OSBPL1A: variants seen among roughly 807,000 people sequenced by gnomAD.
The protein encoded by OSBPL1A is oxysterol-binding protein-related protein 1.
Under a neutral mutation model 137.1 loss-of-function variants are expected in OSBPL1A, and 80 were observed. The observed-to-expected ratio is 0.58, with a 90% CI of 0.49 to 0.70. The LOEUF (loss-of-function observed/expected upper bound fraction) is 0.70, where lower values mean the gene tolerates loss of function less well. Among genes scored for constraint, OSBPL1A ranks in the 30% least tolerant of loss-of-function variants. The pLI, the probability that OSBPL1A is intolerant of heterozygous loss-of-function variation, is 0.00. For missense variants in OSBPL1A, 970 were observed against 1,129.4 expected (o/e 0.86, Z 2.02); for synonymous variants, 365 against 389.7 (o/e 0.94, Z 0.75).
At chr18:24,326,411 C>T (rs1471546610) in intron 7 of OSBPL1A, among the ~76,000 whole-genome samples, 1 of 152,210 alleles carries the variant, frequency 6.6e-6, no homozygotes, top group Admixed American at 6.5e-5. Flanking sequence ...ATATGTCCTG[C>T]CCCTAAAGTC....
intron 2 of OSBPL1A, among the ~76,000 whole-genome samples, chr18:24,375,493 A>G (rs1484855443): frequency 6.6e-6 from 1 of 152,160 alleles, no homozygotes. Context: ...TTTGCTACAC[A>G]TGGCATATTA....
intron 15 of OSBPL1A, among the ~76,000 whole-genome samples, chr18:24,245,534 C>T (rs765621396): frequency 3.9e-5 from 6 of 152,188 alleles, no homozygotes; most frequent in Non-Finnish European, 7.3e-5. Flanking sequence ...AAGAGCTCTT[C>T]TGCACACAAG....
In OSBPL1A at chr18:24,283,281, A is replaced by AAAAAT. The variant is rs1246058393; in HGVS notation, c.1175-2334_1175-2333insATTTT. Among the ~76,000 whole-genome samples the AAAAAT allele has an allele frequency of 4.0e-3, 316 of 78,320 alleles. 2 individuals carry two copies. The highest frequency in any genetic ancestry group is 0.014 in the East Asian group (36 of 2,498). The allele number at this position is 78,320 out of a possible 152,430, so 51.4% of individuals were successfully genotyped here. On this transcript the variant is annotated intron_variant, in intron 14 of 27. Coordinates refer to ENST00000319481, the MANE Select transcript of OSBPL1A (RefSeq NM_080597.4). ...CTCCATCTCAAAAAAAAAAAAAAAA[A>AAAAAT]ATATATATATATATATATATATGTA...
intron 15 of OSBPL1A, among the ~76,000 whole-genome samples, chr18:24,272,752 C>G (rs944774704): frequency 6.6e-6 from 1 of 152,138 alleles, no homozygotes; most frequent in African/African-American, 2.4e-5. Context: ...ATCCTAGGTA[C>G]TTTAAGTCCC....
rs562525214 is a variant in OSBPL1A, at chr18:24,312,109, GA to G, written c.970-4del. ...TCTTCTATTGCTTCCAGCCAGTCCT[GA>G]AATCATGCAAGAATTTAAATGAGAG... On this transcript the variant is annotated splice_region_variant and splice_polypyrimidine_tract_variant and intron_variant, in intron 12 of 27. Coordinates refer to ENST00000319481, the MANE Select transcript of OSBPL1A (RefSeq NM_080597.4). 1,033 of 1,613,210 alleles carry G rather than the reference GA, an allele frequency of 6.4e-4. 8 individuals carry two copies. The African/African-American group carries it at 0.012, about 19-fold the overall frequency.
intron 17 of OSBPL1A, among the ~76,000 whole-genome samples, chr18:24,216,462 G>T (rs2087705048): frequency 1.3e-5 from 2 of 152,188 alleles, no homozygotes; most frequent in Non-Finnish European, 2.9e-5. Flanking sequence ...AGCCGAGATA[G>T]TGCCACTGCA....
intron 17 of OSBPL1A, among the ~76,000 whole-genome samples, chr18:24,210,968 T>C (rs1057058165): frequency 1.3e-5 from 2 of 151,892 alleles, no homozygotes; most frequent in Non-Finnish European, 2.9e-5. Context: ...CTTTTTTTTT[T>C]TGTTTGTTTG....
In OSBPL1A at chr18:24,198,121, C is replaced by T. The variant is rs180727040; in HGVS notation, c.1602-1921G>A. ...CTTCTACTGTCTTGGAAAAGTCCATCCAAAGTGTAGCATACCTAGAGAGTT... is the reference window on the plus strand; with the variant it reads ...CTTCTACTGTCTTGGAAAAGTCCATTCAAAGTGTAGCATACCTAGAGAGTT... On this transcript the variant is annotated intron_variant, in intron 17 of 27. Coordinates refer to ENST00000319481, the MANE Select transcript of OSBPL1A (RefSeq NM_080597.4). Among the ~76,000 whole-genome samples, 52 of 152,162 alleles carry T rather than the reference C, an allele frequency of 3.4e-4. 1 individual carries two copies. The East Asian group carries it at 9.5e-3, about 28-fold the overall frequency.
intron 15 of OSBPL1A, among the ~76,000 whole-genome samples, chr18:24,248,440 C>T (rs2088970338): frequency 6.6e-6 from 1 of 152,190 alleles, no homozygotes; most frequent in Admixed American, 6.5e-5. Flanking sequence ...ATGCCCCTTT[C>T]TTACAGGCAT....
chr18:24,360,899 C>T (rs2091611310), intron 4 of OSBPL1A, among the ~76,000 whole-genome samples: 1 of 152,214 alleles, frequency 6.6e-6, no homozygotes, highest in African/African-American at 2.4e-5. Context: ...TCCAGCCACC[C>T]TCACACCTGA....
At position 24,318,593 on chromosome 18, in the gene OSBPL1A, C is replaced by T; in HGVS notation, c.732+8G>A. On this transcript the variant is annotated splice_region_variant and intron_variant, in intron 9 of 27. Transcript: ENST00000319481. The stretch of plus-strand genomic sequence containing the variant: ...CAGTTATATAATTAAAAAACCACCT[C>T]AACTTACCTTCCAGAGAGGGCCCTC... The T allele has an allele frequency of 1.2e-6, 2 of 1,605,070 alleles. No individual in the cohort carries two copies. Among genetic ancestry groups the T allele is most frequent in the Non-Finnish European group, 1.7e-6 (2 of 1,176,968 alleles).
intron 15 of OSBPL1A, among the ~76,000 whole-genome samples, chr18:24,261,838 C>G (rs1395578691): frequency 6.6e-6 from 1 of 151,978 alleles, no homozygotes; most frequent in East Asian, 1.9e-4. Context: ...GGCGACAGAG[C>G]AAGACTTTGT....
intron 18 of OSBPL1A, among the ~76,000 whole-genome samples, chr18:24,184,927 T>C (rs746776811): frequency 6.6e-5 from 10 of 152,334 alleles, no homozygotes; most frequent in Non-Finnish European, 1.3e-4. Flanking sequence ...TCTTGCTTAA[T>C]AATGCATGCG....
intron 4 of OSBPL1A, among the ~76,000 whole-genome samples, chr18:24,342,997 C>A (rs553007432): frequency 6.6e-6 from 1 of 151,590 alleles, no homozygotes; most frequent in Non-Finnish European, 1.5e-5. Context: ...CATTTTGGGG[C>A]TCATGTTTTC....
chr18:24,304,605 T>C (rs535333267), intron 13 of OSBPL1A, among the ~76,000 whole-genome samples: 8 of 152,294 alleles, frequency 5.3e-5, no homozygotes, highest in Non-Finnish European at 1.0e-4. Context: ...TAGAGTAATA[T>C]ATTTAGCCTT....
chr18:24,269,363 G>A lies in OSBPL1A; in HGVS notation c.1281+11479C>T, dbSNP rs149345867. ...CTCTTTATTCTTTCCCTTCCATTCC[G>A]GTCTTAACGATTTGCTAAAATTTAC... On this transcript the variant is annotated intron_variant, in intron 15 of 27. Coordinates refer to ENST00000319481, the MANE Select transcript of OSBPL1A (RefSeq NM_080597.4). Among the ~76,000 whole-genome samples, 21 of 152,096 alleles carry A rather than the reference G, an allele frequency of 1.4e-4. No individual in the cohort carries two copies. The East Asian group carries it at 1.5e-3, about 11-fold the overall frequency.
intron 2 of OSBPL1A, among the ~76,000 whole-genome samples, chr18:24,372,610 C>T (rs892436277): frequency 9.2e-5 from 14 of 152,222 alleles, no homozygotes; most frequent in African/African-American, 3.4e-4. Context: ...GCTCGACTGA[C>T]TCCAACTCCT....
rs1308290174 is a variant in OSBPL1A, at chr18:24,377,408, T to C, written c.121+5A>G. ...AGAAAGCTACAAAATCCATTCAAAGTTTACCTTTGCAATTAATGTCAGCAA... is the reference window on the plus strand; with the variant it reads ...AGAAAGCTACAAAATCCATTCAAAGCTTACCTTTGCAATTAATGTCAGCAA... On this transcript the variant is annotated splice_donor_5th_base_variant and intron_variant, in intron 2 of 27. Transcript: ENST00000319481. The C allele has an allele frequency of 2.5e-6, 4 of 1,603,328 alleles. No homozygotes were observed. Among genetic ancestry groups the C allele is most frequent in the Non-Finnish European group, 3.4e-6 (4 of 1,177,148 alleles).
At chr18:24,229,523 TTGG>T (rs765020716) in intron 16 of OSBPL1A, among the ~76,000 whole-genome samples, 1 of 152,196 alleles carries the variant, frequency 6.6e-6, no homozygotes, top group Non-Finnish European at 1.5e-5. Flanking sequence ...CTTCAAAGCC[TTGG>T]TCACACCAAT....
Sources: allele counts gnomAD v4.1 joint callset (sites outside exome capture counted in the v4.1 genomes callset), GRCh38; gene constraint gnomAD v4.1.1; transcripts MANE v1.5; gene names NCBI Gene and HGNC (gene_info 2026-07-23, HGNC 2026-07-21).